SEZ6L: variants seen among roughly 807,000 people sequenced by gnomAD.
SEZ6L encodes the protein seizure 6-like protein.
Under a neutral mutation model 106.2 loss-of-function variants are expected in SEZ6L, and 37 were observed. The ratio of observed to expected loss-of-function variants is 0.35; its 90% CI spans 0.27 to 0.46. The LOEUF (loss-of-function observed/expected upper bound fraction) is 0.46, where lower values mean the gene tolerates loss of function less well. Ranked by LOEUF, SEZ6L falls within the 20% of genes least tolerant of loss-of-function variation. The probability of loss-of-function intolerance (pLI) is 1.00; values close to 1 mark genes in which losing one functional copy is unlikely to be tolerated. For missense variants in SEZ6L, 1,172 were observed against 1,332.8 expected (o/e 0.88, Z 1.88); for synonymous variants, 541 against 570.4 (o/e 0.95, Z 0.73).
Position 26,351,411 on chromosome 22 carries a change from C to T in SEZ6L, c.2599+168C>T, listed in dbSNP as rs2083274377. ...CTAACACTGATTGGGAGCACACATA[C>T]TATAACATTTACAGTAAATTTATCA... On this transcript the variant is annotated intron_variant, in intron 12 of 16. Transcript: ENST00000248933. 5 of 556,838 alleles carry T rather than the reference C, an allele frequency of 9.0e-6. No homozygotes were observed. In the Admixed American group the frequency reaches 1.7e-4, roughly 19 times the overall value. 34.5% of individuals were successfully genotyped at this position (556,838 alleles called of 1,614,324 possible).
intron 12 of SEZ6L, 107 bp from the exon 13 acceptor site, chr22:26,365,265 G>A: frequency 1.2e-6 from 1 of 869,468 alleles, no homozygotes; most frequent in Non-Finnish European, 1.8e-6. Flanking sequence ...GGGATGCAGA[G>A]AGAGGATGCT....
At position 26,375,600 on chromosome 22, in the gene SEZ6L, G is replaced by A. The variant is rs565523962; in HGVS notation, c.2853G>A (p.Ser951=). 3.2e-5 allele frequency: 52 copies of A among 1,614,108 alleles called. No homozygotes were observed. The highest frequency in any genetic ancestry group is 5.0e-5 in the Admixed American group (3 of 60,020). ...LEVAEAAAET[S]LEGGNMALAI... is the part of the protein sequence containing the mutation. Reference sequence around the variant, plus strand: ...TAGCAGAAGCGGCAGCAGAGACGTCGCTGGAAGGGGGGAACATGGCCCTGG... The same window carrying A: ...TAGCAGAAGCGGCAGCAGAGACGTCACTGGAAGGGGGGAACATGGCCCTGG... Residue 951 remains serine (S), a synonymous_variant, in exon 15 of 17, where the codon TCG becomes TCA. Coordinates refer to ENST00000248933, the MANE Select transcript of SEZ6L (RefSeq NM_021115.5).
At chr22:26,268,101 A>G (rs1034261223) in intron 1 of SEZ6L, among the ~76,000 whole-genome samples, 2 of 152,216 alleles carry the variant, frequency 1.3e-5, no homozygotes, top group African/African-American at 4.8e-5. Context: ...CAGGCCATCA[A>G]TTAAATACCA....
At chr22:26,312,556 T>G (rs542842732) in intron 8 of SEZ6L, among the ~76,000 whole-genome samples, 1 of 87,894 alleles carries the variant, frequency 1.1e-5, no homozygotes, top group Admixed American at 1.0e-4. Context: ...GACAGTGTTG[T>G]AGAACCCTCA....
In SEZ6L at chr22:26,333,636, C is replaced by T. The variant is rs1273100366; in HGVS notation, c.2016-6800C>T. 3.9e-5 allele frequency among the ~76,000 whole-genome samples: 6 copies of T among 152,122 alleles called. No individual in the cohort carries two copies. In the East Asian group the frequency reaches 5.8e-4, roughly 15 times the overall value. On this transcript the variant is annotated intron_variant, in intron 9 of 16. Transcript: ENST00000248933. ...CCCGAGACACACACTCAGCATGGTG[C>T]TGAGCACTAGGGATACAGCCAGCAG... is the stretch of plus-strand genomic sequence containing the variant.
chr22:26,350,757 C>T (rs902994048), intron 11 of SEZ6L, among the ~76,000 whole-genome samples: 6 of 151,350 alleles, frequency 4.0e-5, no homozygotes, highest in Non-Finnish European at 5.9e-5. Context: ...CCCGGGTTCA[C>T]GCCATTCTCC....
intron 11 of SEZ6L, 94 bp downstream of exon 11, chr22:26,348,007 T>C (rs1229463826): frequency 1.0e-6 from 1 of 988,618 alleles, no homozygotes; most frequent in Non-Finnish European, 1.4e-6. Context: ...CTGTTTAATG[T>C]AGAATCTGGA....
chr22:26,187,486 T>C (rs911250928), intron 1 of SEZ6L, among the ~76,000 whole-genome samples: 4 of 152,244 alleles, frequency 2.6e-5, no homozygotes, highest in Non-Finnish European at 5.9e-5. Flanking sequence ...GGGAGGCTGA[T>C]GCTCTGCACT....
intron 9 of SEZ6L, among the ~76,000 whole-genome samples, chr22:26,333,025 A>G (rs1188109601): frequency 6.6e-6 from 1 of 152,236 alleles, no homozygotes; most frequent in African/African-American, 2.4e-5. Flanking sequence ...TTCAAAAGCT[A>G]AATGTGGGTC....
At chr22:26,259,724 G>A (rs947728610) in intron 1 of SEZ6L, among the ~76,000 whole-genome samples, 1 of 152,174 alleles carries the variant, frequency 6.6e-6, no homozygotes, top group Non-Finnish European at 1.5e-5. Flanking sequence ...GGTGCTGTCC[G>A]CTGTGCTGAA....
chr22:26,311,335 G>C (rs539244889), intron 7 of SEZ6L, among the ~76,000 whole-genome samples: 54 of 152,328 alleles, frequency 3.5e-4, no homozygotes, highest in Non-Finnish European at 6.5e-4. Context: ...CTGAGACCCT[G>C]ACTCTTGAAG....
chr22:26,194,134 G>A (rs1005818155), intron 1 of SEZ6L, among the ~76,000 whole-genome samples: 2 of 152,188 alleles, frequency 1.3e-5, no homozygotes, highest in Non-Finnish European at 2.9e-5. Context: ...TGCAAGCTCA[G>A]GAAAGAGCAA....
At chr22:26,322,110 A>G (rs2082171953) in intron 9 of SEZ6L, among the ~76,000 whole-genome samples, 1 of 152,238 alleles carries the variant, frequency 6.6e-6, no homozygotes, top group South Asian at 2.1e-4. Flanking sequence ...AAGGGTAATT[A>G]CCCAAATTAG....
rs117917851 is a variant in SEZ6L at position 26,310,731 on chromosome 22, G to C, written c.1576G>C (p.Glu526Gln). ...TCTTCTCTACGACTCCCTTCAAACC[G>C]AGAGTGTCCCTTTTGAGGGCCTGCT... Reference protein sequence around the residue: ...SALLYDSLQTESVPFEGLLSE... With the variant: ...SALLYDSLQTQSVPFEGLLSE... The change falls in exon 7 of 17, where the codon GAG (glutamate) becomes CAG (glutamine). Residue 526 changes from glutamate (E) to glutamine (Q), a missense_variant. Around this residue, in one of 4 missense-constraint regions of SEZ6L, gnomAD observed 534 missense variants for 691.0 expected, o/e 0.77. Transcript: ENST00000248933. The C allele has an allele frequency of 6.2e-7, 1 of 1,614,102 alleles. No individual in the cohort carries two copies. Among genetic ancestry groups the C allele is most frequent in the Non-Finnish European group, 8.5e-7 (1 of 1,180,008 alleles).
chr22:26,199,812 G>A (rs548454158), intron 1 of SEZ6L, among the ~76,000 whole-genome samples: 53 of 152,240 alleles, frequency 3.5e-4, no homozygotes, highest in African/African-American at 1.1e-3. Context: ...ACTTGAGGCC[G>A]AACTAAACAA....
intron 1 of SEZ6L, among the ~76,000 whole-genome samples, chr22:26,246,062 T>G (rs2079330439): frequency 1.3e-5 from 2 of 152,336 alleles, no homozygotes; most frequent in Non-Finnish European, 2.9e-5. Context: ...TCTACACATA[T>G]CAAGACAGGA....
chr22:26,252,467 A>C (rs1170880549), intron 1 of SEZ6L, among the ~76,000 whole-genome samples: 1 of 152,260 alleles, frequency 6.6e-6, no homozygotes, highest in Non-Finnish European at 1.5e-5. Context: ...CAGGTTTGTT[A>C]CATGGGTATG....
chr22:26,245,685 G>A (rs1001726966), intron 1 of SEZ6L, among the ~76,000 whole-genome samples: 10 of 152,276 alleles, frequency 6.6e-5, no homozygotes, highest in Non-Finnish European at 1.2e-4. Flanking sequence ...AGAACACCAG[G>A]TCCTCCTCTG....
rs181872954 is a variant in SEZ6L at position 26,181,913 on chromosome 22, G to A, written c.94+12150G>A. On this transcript the variant is annotated intron_variant, in intron 1 of 16. Transcript: ENST00000248933. The stretch of plus-strand genomic sequence containing the variant: ...GAAGTTATTTTGAGCTCAGGACCTA[G>A]AATTGTGCTAGAACACAGCAAGAGC... Among the ~76,000 whole-genome samples the A allele has an allele frequency of 2.0e-3, 304 of 152,354 alleles. 1 individual carries two copies. Among genetic ancestry groups the A allele is most frequent in the Non-Finnish European group, 3.0e-3 (201 of 68,034 alleles).
Sources: gnomAD v4.1 joint callset for allele counts (sites outside exome capture counted in the v4.1 genomes callset) on GRCh38, gnomAD v4.1.1 for gene constraint, gnomAD v4.1.1 regional missense constraint, MANE v1.5 for transcripts, NCBI Gene and HGNC (gene_info 2026-07-23, HGNC 2026-07-21) for gene names.